The following CDC14B variants were observed in gnomAD, a reference collection of about 807,000 sequenced individuals.
The protein encoded by CDC14B is cell division cycle 14B.
In CDC14B, 22 loss-of-function variants were observed where a neutral mutation model predicts 64.2. That is an observed-to-expected ratio of 0.34 (90% CI 0.24 to 0.49). CDC14B has a LOEUF of 0.49. Among genes scored for constraint, CDC14B ranks in the 20% least tolerant of loss-of-function variants. The pLI is 0.99. For synonymous variants in CDC14B, 191 were observed against 215.8 expected (o/e 0.89, Z 1.01); for missense variants, 498 against 629.9 (o/e 0.79, Z 2.24).
intron 9 of CDC14B, among the ~76,000 whole-genome samples, chr9:96,531,094 A>C (rs1181236047): frequency 6.6e-6 from 1 of 152,210 alleles, no homozygotes; most frequent in East Asian, 1.9e-4. Context: ...CGTAAGGGAT[A>C]CTGGCCTATA....
downstream of CDC14B, among the ~76,000 whole-genome samples, chr9:96,497,690 C>T (rs143944860): frequency 2.0e-3 from 298 of 152,260 alleles, no homozygotes; most frequent in Non-Finnish European, 3.5e-3. Context: ...ATTTTTTTTA[C>T]TAGGCAAAAT....
chr9:96,594,346 T>C (rs553789312), intron 1 of CDC14B, among the ~76,000 whole-genome samples: 2 of 152,162 alleles, frequency 1.3e-5, no homozygotes, highest in Admixed American at 6.5e-5. Flanking sequence ...TAGAGAACCC[T>C]AGAGATTTGC....
Position 96,515,815 on chromosome 9 carries a change from G to C in CDC14B, c.1344-6026C>G. ...CATCTGGAAAGGGGTGAAGGGGAAA[G>C]AACAGATGTTCAAATTGGGAAGCCA... On this transcript the variant is annotated intron_variant, in intron 12 of 13. Transcript: ENST00000375241. This position sits in a 1 kb window ranked among gnomAD's most constrained non-coding sequence, Gnocchi z 4.3. 2 of 1,556,670 alleles carry C rather than the reference G, an allele frequency of 1.3e-6. No homozygotes were observed.
In CDC14B at chr9:96,515,595, C is replaced by T. The variant is rs1276723096; in HGVS notation, c.1344-5806G>A. 2.7e-6 allele frequency: 4 copies of T among 1,459,420 alleles called. No homozygotes were observed. Among genetic ancestry groups the T allele is most frequent in the East Asian group, 2.6e-5 (1 of 37,814 alleles). The allele number at this position is 1,459,420 out of a possible 1,614,324, so 90.4% of individuals were successfully genotyped here. A position where few individuals can be genotyped will look rare whatever the true frequency, so the allele number is the denominator to read the frequency against. Reference sequence around the variant, plus strand: ...AGGAGAAAAACATGCATTGTGGGAACCACACTAGGCACCAGAAGTAAGCAA... The same window carrying T: ...AGGAGAAAAACATGCATTGTGGGAATCACACTAGGCACCAGAAGTAAGCAA... On this transcript the variant is annotated intron_variant, in intron 12 of 13. Transcript: ENST00000375241. This position sits in a 1 kb window ranked among gnomAD's most constrained non-coding sequence, Gnocchi z 4.3.
intron 6 of CDC14B, among the ~76,000 whole-genome samples, chr9:96,541,595 T>A (rs753281360): frequency 9.2e-5 from 14 of 152,240 alleles, no homozygotes; most frequent in Non-Finnish European, 1.5e-4. Flanking sequence ...TTTTCCCTGT[T>A]TCTTAAGTGA....
Position 96,515,584 on chromosome 9 carries a change from C to T in CDC14B, c.1344-5795G>A. On this transcript the variant is annotated intron_variant, in intron 12 of 13. Coordinates refer to ENST00000375241, the MANE Select transcript of CDC14B (RefSeq NM_033331.4). The surrounding 1 kb of genome is among the most constrained non-coding windows in gnomAD (Gnocchi z 4.3). ...AGGAGCTGACAAGGAGAAAAACATG[C>T]ATTGTGGGAACCACACTAGGCACCA... 2.1e-6 allele frequency: 3 copies of T among 1,401,738 alleles called. No individual in the cohort carries two copies. The highest frequency in any genetic ancestry group is 5.2e-4 in the Middle Eastern group (2 of 3,812). The allele number at this position is 1,401,738 out of a possible 1,614,324, so 86.8% of individuals were successfully genotyped here. A position where few individuals can be genotyped will look rare whatever the true frequency, so the allele number is the denominator to read the frequency against.
intron 1 of CDC14B, among the ~76,000 whole-genome samples, chr9:96,567,669 ATCG>A (rs1369269120): frequency 7.9e-5 from 12 of 152,218 alleles, no homozygotes; most frequent in Non-Finnish European, 1.5e-4. Flanking sequence ...AAGGATGGTT[ATCG>A]GAGGCTGGGA....
intron 11 of CDC14B, 110 bp downstream of exon 11, chr9:96,523,151 A>C (rs2131547466): frequency 8.5e-7 from 1 of 1,179,630 alleles, no homozygotes; most frequent in Non-Finnish European, 1.2e-6. Flanking sequence ...AAAACTGACA[A>C]TCATCCAAGA....
chr9:96,576,991 G>A lies in CDC14B; in HGVS notation c.161-11508C>T, dbSNP rs368875158. On this transcript the variant is annotated intron_variant, in intron 1 of 13. Coordinates refer to ENST00000375241, the MANE Select transcript of CDC14B (RefSeq NM_033331.4). ...GTTTTGGCGGGGCACAGTGGCTCAC[G>A]CTTGTAATCCCAACACTTTGGGAGG... is the stretch of plus-strand genomic sequence containing the variant. Among the ~76,000 whole-genome samples, 21 of 152,192 alleles carry A rather than the reference G, an allele frequency of 1.4e-4. No individual in the cohort carries two copies. In the East Asian group the frequency reaches 3.9e-3, roughly 28 times the overall value.
chr9:96,506,957 C>T (rs1356141752), intron 13 of CDC14B, among the ~76,000 whole-genome samples: 1 of 152,208 alleles, frequency 6.6e-6, no homozygotes, highest in Non-Finnish European at 1.5e-5. Flanking sequence ...TCTAAAAAAG[C>T]AAACAGCAGA....
intron 1 of CDC14B, among the ~76,000 whole-genome samples, chr9:96,600,062 A>G (rs1846333531): frequency 6.6e-6 from 1 of 151,912 alleles, no homozygotes; most frequent in South Asian, 2.1e-4. Context: ...CTATAAATCC[A>G]ATTTTATTCC....
chr9:96,528,555 T>C (rs935922490), intron 9 of CDC14B, among the ~76,000 whole-genome samples: 2 of 151,968 alleles, frequency 1.3e-5, no homozygotes, highest in African/African-American at 4.8e-5. Context: ...AGAAGAAGAA[T>C]GCTGCTACAA....
At chr9:96,522,922 T>C (rs910806359) in intron 11 of CDC14B, among the ~76,000 whole-genome samples, 1 of 152,218 alleles carries the variant, frequency 6.6e-6, no homozygotes, top group African/African-American at 2.4e-5. Context: ...CCCTAAGCCT[T>C]TGATTTGTTA....
chr9:96,595,118 T>A (rs1845998582), intron 1 of CDC14B, among the ~76,000 whole-genome samples: 2 of 152,122 alleles, frequency 1.3e-5, no homozygotes, highest in South Asian at 4.1e-4. Context: ...ACCACTGCAC[T>A]TCAGCCTGGA....
intron 13 of CDC14B, among the ~76,000 whole-genome samples, chr9:96,508,589 C>T (rs1280688220): frequency 1.3e-5 from 2 of 152,226 alleles, no homozygotes; most frequent in East Asian, 3.8e-4. Flanking sequence ...ATCCTGGAAT[C>T]ATGAGTCAGT....
At chr9:96,498,175 A>T (rs1833330793), downstream of CDC14B, among the ~76,000 whole-genome samples, 1 of 152,180 alleles carries the variant, frequency 6.6e-6, no homozygotes, top group South Asian at 2.1e-4. Flanking sequence ...GCTCCTTTCC[A>T]ATGCACCCAT....
At chr9:96,541,782 TA>T in intron 6 of CDC14B, 43 bp downstream of exon 6, 1 of 1,378,380 alleles carries the variant, frequency 7.3e-7, no homozygotes, top group Non-Finnish European at 9.9e-7. Context: ...GACCGCATGT[TA>T]GTTCCTCAAC....
rs141815375 is a variant in CDC14B, at chr9:96,504,851, G to A, written c.1461-1062C>T. ...CTAGATGCAGCTGCTCCCAACTGAA[G>A]GGCTCCTGAAAACACTCGTGGTTTT... is the stretch of plus-strand genomic sequence containing the variant. On this transcript the variant is annotated intron_variant, in intron 13 of 13. Coordinates refer to ENST00000375241, the MANE Select transcript of CDC14B (RefSeq NM_033331.4). Among the ~76,000 whole-genome samples, 1,448 of 152,170 alleles carry A rather than the reference G, an allele frequency of 9.5e-3. 14 individuals carry two copies. Among genetic ancestry groups the A allele is most frequent in the Middle Eastern group, 0.014 (4 of 294 alleles).
chr9:96,617,937 A>C (rs1847739377), intron 1 of CDC14B, among the ~76,000 whole-genome samples: 1 of 152,160 alleles, frequency 6.6e-6, no homozygotes, highest in Non-Finnish European at 1.5e-5. Flanking sequence ...GGAAGGGCAC[A>C]ACGTTAGCGG....
Sources: gnomAD v4.1 joint callset for allele counts (sites outside exome capture counted in the v4.1 genomes callset) on GRCh38, gnomAD v4.1.1 for gene constraint, Gnocchi (gnomAD v3.1) non-coding constraint, MANE v1.5 for transcripts, NCBI Gene and HGNC (gene_info 2026-07-23, HGNC 2026-07-21) for gene names.